HS3ST1: variants seen among roughly 807,000 people sequenced by gnomAD.
HS3ST1 encodes the protein heparan sulfate-glucosamine 3-sulfotransferase 1, also known as heparan sulfate glucosamine 3-O-sulfotransferase 1.
In HS3ST1, 8 loss-of-function variants were observed where a neutral mutation model predicts 20.7. The observed-to-expected ratio is 0.39, with a 90% CI of 0.23 to 0.70. HS3ST1 has a LOEUF of 0.70. Ranked by LOEUF, HS3ST1 falls within the 30% of genes least tolerant of loss-of-function variation. The pLI is 0.46. For missense variants in HS3ST1, 436 were observed against 423.4 expected (o/e 1.03, Z -0.26); for synonymous variants, 205 against 190.4 (o/e 1.08, Z -0.63).
In HS3ST1 at chr4:11,393,386, A is replaced by G. The variant is rs1315838651; in HGVS notation, c.*5696T>C. Reference sequence around the variant, plus strand: ...ACTTTGCTATTTGCTAGCCAATAAAATAGACTCATTCTCTGCTATATCTCA... The same window carrying G: ...ACTTTGCTATTTGCTAGCCAATAAAGTAGACTCATTCTCTGCTATATCTCA... On this transcript the variant is annotated 3_prime_UTR_variant, in exon 2 of 2. Transcript: ENST00000002596. The G allele has an allele frequency of 1.3e-5, 2 of 152,246 alleles. No individual in the cohort carries two copies. The highest frequency in any genetic ancestry group is 2.9e-5 in the Non-Finnish European group (2 of 68,050). The allele number at this position is 152,246 out of a possible 1,614,324, so 9.4% of individuals were successfully genotyped here. A position where few individuals can be genotyped will look rare whatever the true frequency, so the allele number is the denominator to read the frequency against.
chr4:11,394,341 C>G lies in HS3ST1; in HGVS notation c.*4741G>C, dbSNP rs1718082133. The G allele has an allele frequency of 6.6e-6, 1 of 152,174 alleles. No homozygotes were observed. The highest frequency in any genetic ancestry group is 2.4e-5 in the African/African-American group (1 of 41,436). 9.4% of individuals were successfully genotyped at this position (152,174 alleles called of 1,614,324 possible). A position where few individuals can be genotyped will look rare whatever the true frequency, so the allele number is the denominator to read the frequency against. On this transcript the variant is annotated 3_prime_UTR_variant, in exon 2 of 2. Coordinates refer to ENST00000002596, the MANE Select transcript of HS3ST1 (RefSeq NM_005114.4). ...AATTTGGGCAAAATAGAGTAAAGGT[C>G]TTGACATCAGGGATAACTAAAGCAC...
intron 1 of HS3ST1, among the ~76,000 whole-genome samples, chr4:11,412,923 G>A (rs189234020): frequency 6.6e-6 from 1 of 152,288 alleles, no homozygotes; most frequent in Non-Finnish European, 1.5e-5. Context: ...GGTCATGAGG[G>A]TGAAGACGTC....
rs144568095 is a variant in HS3ST1 at position 11,416,265 on chromosome 4, C to T, written c.-109+12434G>A. ...ACTTTCACTTCCTAACAACCATGAC[C>T]AAATGCCCCTCCTTTCATCGCCCCT... On this transcript the variant is annotated intron_variant, in intron 1 of 1. Coordinates refer to ENST00000002596, the MANE Select transcript of HS3ST1 (RefSeq NM_005114.4). Among the ~76,000 whole-genome samples the T allele has an allele frequency of 2.2e-4, 33 of 152,262 alleles. No homozygotes were observed. In the East Asian group the frequency reaches 6.4e-3, roughly 29 times the overall value.
chr4:11,433,971 A>T (rs1329033741), upstream of HS3ST1, among the ~76,000 whole-genome samples: 2 of 152,246 alleles, frequency 1.3e-5, no homozygotes, highest in African/African-American at 4.8e-5. Context: ...CAATCAGCAC[A>T]TGCTGTTTCT....
rs1718060360 is a variant in HS3ST1 at position 11,393,526 on chromosome 4, A to G, written c.*5556T>C. 1 of 152,262 alleles carries G rather than the reference A, an allele frequency of 6.6e-6. No individual in the cohort carries two copies. The highest frequency in any genetic ancestry group is 1.5e-5 in the Non-Finnish European group (1 of 68,054). 9.4% of individuals were successfully genotyped at this position (152,262 alleles called of 1,614,324 possible). ...ACTTTAGAGTGGATGGTCTAGAAGC[A>G]AAGTCTGAGGGGGGATTCCTGTTTT... On this transcript the variant is annotated 3_prime_UTR_variant, in exon 2 of 2. Transcript: ENST00000002596.
At chr4:11,419,546 G>A (rs1292640028) in intron 1 of HS3ST1, among the ~76,000 whole-genome samples, 1 of 152,094 alleles carries the variant, frequency 6.6e-6, no homozygotes, top group Admixed American at 6.6e-5. Context: ...AAACCTAGAT[G>A]ACGGGTTGAT....
upstream of HS3ST1, chr4:11,429,643 C>CTTTTTTTTTGTTTTTTTTT (rs1719163814): frequency 2.1e-5 from 1 of 47,232 alleles, no homozygotes. Context: ...GAAAATTCAG[C>CTTTTTTTTTGTTTTTTTTT]TTTTTTTTTT....
At chr4:11,414,660 A>G (rs896651576) in intron 1 of HS3ST1, among the ~76,000 whole-genome samples, 13 of 152,232 alleles carry the variant, frequency 8.5e-5, no homozygotes, top group Non-Finnish European at 2.9e-5. Flanking sequence ...TTAGTGTCCA[A>G]CATGCCAAGG....
intron 1 of HS3ST1, among the ~76,000 whole-genome samples, chr4:11,401,194 C>G (rs370753200): frequency 6.6e-6 from 1 of 152,060 alleles, no homozygotes; most frequent in Non-Finnish European, 1.5e-5. Context: ...TGAAATAGGC[C>G]TGGAGGGATA....
intron 1 of HS3ST1, 75 bp from the exon 2 acceptor site, chr4:11,400,188 C>G: frequency 7.9e-7 from 1 of 1,263,408 alleles, no homozygotes; most frequent in Non-Finnish European, 1.0e-6. Flanking sequence ...TGTAGCCACT[C>G]TGTAGTGAGG....
chr4:11,429,008 G>C (rs1203734699), upstream of HS3ST1: 3 of 152,570 alleles, frequency 2.0e-5, no homozygotes, highest in Non-Finnish European at 2.9e-5. Flanking sequence ...AGAGCGCGTT[G>C]GGCAGAGGAG....
chr4:11,418,674 G>A (rs73220392), intron 1 of HS3ST1, among the ~76,000 whole-genome samples: 5 of 152,288 alleles, frequency 3.3e-5, no homozygotes, highest in Non-Finnish European at 7.4e-5. Context: ...GGCAGGTGGG[G>A]CTTAGGGACA....
At chr4:11,433,023 A>G (rs1719234623), upstream of HS3ST1, among the ~76,000 whole-genome samples, 1 of 152,226 alleles carries the variant, frequency 6.6e-6, no homozygotes, top group African/African-American at 2.4e-5. Context: ...ATATGTGGTT[A>G]TGAGGTCCAG....
rs1324953672 is a variant in HS3ST1 at position 11,395,166 on chromosome 4, G to T, written c.*3916C>A. On this transcript the variant is annotated 3_prime_UTR_variant, in exon 2 of 2. Transcript: ENST00000002596. ...TGCTCTGGTGACACTACTGCCATTC[G>T]TGCGTGCCCCAGCTTTATGGCAATT... The T allele has an allele frequency of 1.3e-5, 2 of 152,046 alleles. No homozygotes were observed. Among genetic ancestry groups the T allele is most frequent in the South Asian group, 2.1e-4 (1 of 4,816 alleles). The allele number at this position is 152,046 out of a possible 1,614,324, so 9.4% of individuals were successfully genotyped here.
intron 1 of HS3ST1, among the ~76,000 whole-genome samples, chr4:11,400,384 G>T (rs1718291176): frequency 6.6e-6 from 1 of 152,224 alleles, no homozygotes; most frequent in African/African-American, 2.4e-5. Flanking sequence ...GGGAATGGGT[G>T]TGGTTGTGTT....
intron 1 of HS3ST1, among the ~76,000 whole-genome samples, chr4:11,419,235 TC>T (rs1254775953): frequency 3.3e-5 from 5 of 152,106 alleles, no homozygotes; most frequent in Non-Finnish European, 7.3e-5. Flanking sequence ...CCCTCACTGT[TC>T]CTTCCATATT....
In HS3ST1 at chr4:11,399,003, C is replaced by T; in HGVS notation, c.*79G>A. The T allele has an allele frequency of 7.8e-7, 1 of 1,280,866 alleles. No homozygotes were observed. Among genetic ancestry groups the T allele is most frequent in the Non-Finnish European group, 1.1e-6 (1 of 925,992 alleles). 79.3% of individuals were successfully genotyped at this position (1,280,866 alleles called of 1,614,324 possible). A position where few individuals can be genotyped will look rare whatever the true frequency, so the allele number is the denominator to read the frequency against. On this transcript the variant is annotated 3_prime_UTR_variant, in exon 2 of 2. Transcript: ENST00000002596. This position sits in a 1 kb window ranked among gnomAD's most constrained non-coding sequence, Gnocchi z 5.1. Reference sequence around the variant, plus strand: ...TTACAAATAAATTATACCTTAAATGCTTTTTTAAAATTCTTTTTCCCCTCA... The same window carrying T: ...TTACAAATAAATTATACCTTAAATGTTTTTTTAAAATTCTTTTTCCCCTCA...
intron 1 of HS3ST1, among the ~76,000 whole-genome samples, chr4:11,411,231 A>G (rs1718624625): frequency 6.6e-6 from 1 of 152,202 alleles, no homozygotes; most frequent in African/African-American, 2.4e-5. Context: ...GCTCAAGGGG[A>G]AAACTGGCAT....
At chr4:11,400,219 ACT>A in intron 1 of HS3ST1, 106 bp from the exon 2 acceptor site, 2 of 948,628 alleles carry the variant, frequency 2.1e-6, no homozygotes, top group Non-Finnish European at 1.5e-6. Context: ...CCTCCCCAGG[ACT>A]CTCAGTTTCT....
Sources: gnomAD v4.1 joint callset for allele counts (sites outside exome capture counted in the v4.1 genomes callset) on GRCh38, gnomAD v4.1.1 for gene constraint, Gnocchi (gnomAD v3.1) non-coding constraint, MANE v1.5 for transcripts, NCBI Gene and HGNC (gene_info 2026-07-23, HGNC 2026-07-21) for gene names.